Variants in RSRC1 observed in about 807,000 individuals in gnomAD.
RSRC1 encodes the protein arginine and serine rich coiled-coil 1, also known as serine/Arginine-related protein 53.
In RSRC1, 39 loss-of-function variants were observed where a neutral mutation model predicts 49.1. The ratio of observed to expected loss-of-function variants is 0.79; its 90% CI spans 0.61 to 1.04. RSRC1 has a LOEUF of 1.04. Ranked by LOEUF, RSRC1 falls within the 50% of genes least tolerant of loss-of-function variation. RSRC1 has a pLI of 0.00. For synonymous variants in RSRC1, 143 were observed against 130.8 expected (o/e 1.09, Z -0.63); for missense variants, 388 against 402.4 (o/e 0.96, Z 0.31).
chr3:158,340,857 G>A (rs1011575967), intron 5 of RSRC1, among the ~76,000 whole-genome samples: 24 of 152,206 alleles, frequency 1.6e-4, no homozygotes, highest in African/African-American at 5.8e-4. Context: ...CTTGTTGAAT[G>A]GCTTTGCCCA....
intron 5 of RSRC1, among the ~76,000 whole-genome samples, chr3:158,314,893 G>A (rs567814035): frequency 4.7e-4 from 72 of 152,236 alleles, no homozygotes; most frequent in African/African-American, 1.5e-3. Context: ...TCAGCCGAGC[G>A]TGGTGGCAAA....
intron 6 of RSRC1, among the ~76,000 whole-genome samples, chr3:158,428,028 A>T (rs1735559701): frequency 6.6e-6 from 1 of 151,854 alleles, no homozygotes; most frequent in African/African-American, 2.4e-5. Flanking sequence ...TCTGTCTATG[A>T]AACCACAGAT....
intron 4 of RSRC1, among the ~76,000 whole-genome samples, chr3:158,268,036 G>A (rs1490055944): frequency 6.6e-6 from 1 of 151,716 alleles, no homozygotes; most frequent in Non-Finnish European, 1.5e-5. Flanking sequence ...ACTTCCCATT[G>A]TTACATTTTT....
At chr3:158,188,634 G>A (rs1401478801) in intron 3 of RSRC1, among the ~76,000 whole-genome samples, 3 of 151,750 alleles carry the variant, frequency 2.0e-5, no homozygotes, top group African/African-American at 7.3e-5. Context: ...CTGCTTTTCT[G>A]GTTGTTTATG....
intron 7 of RSRC1, among the ~76,000 whole-genome samples, chr3:158,476,640 C>G (rs1040980908): frequency 6.6e-6 from 1 of 152,144 alleles, no homozygotes; most frequent in Non-Finnish European, 1.5e-5. Context: ...TTAAAGCCCA[C>G]TGTTGAGGCA....
At chr3:158,129,051 T>C (rs1249560362) in intron 3 of RSRC1, among the ~76,000 whole-genome samples, 2 of 152,196 alleles carry the variant, frequency 1.3e-5, no homozygotes, top group South Asian at 2.1e-4. Flanking sequence ...GTGAAGTTAC[T>C]ATCTTTCCTT....
At chr3:158,411,494 T>C (rs925664232) in intron 6 of RSRC1, among the ~76,000 whole-genome samples, 11 of 149,468 alleles carry the variant, frequency 7.4e-5, no homozygotes, top group African/African-American at 2.5e-4. Context: ...GCCAAACTTA[T>C]ATCATTCTAC....
intron 3 of RSRC1, among the ~76,000 whole-genome samples, chr3:158,185,483 A>G (rs1233282162): frequency 1.3e-5 from 2 of 151,910 alleles, no homozygotes. Context: ...TTACGCATTT[A>G]AAAACTAATA....
intron 6 of RSRC1, among the ~76,000 whole-genome samples, chr3:158,427,493 A>G (rs1279462812): frequency 1.3e-5 from 2 of 151,974 alleles, no homozygotes; most frequent in African/African-American, 4.8e-5. Context: ...TTATATAAGT[A>G]TAGCCAAAAA....
chr3:158,344,890 A>G (rs535380625), intron 5 of RSRC1, among the ~76,000 whole-genome samples: 3 of 152,274 alleles, frequency 2.0e-5, no homozygotes, highest in African/African-American at 4.8e-5. Flanking sequence ...GTTAAAGCCA[A>G]TAAGCCAACA....
chr3:158,299,648 T>A (rs1727426348), intron 5 of RSRC1, among the ~76,000 whole-genome samples: 1 of 152,170 alleles, frequency 6.6e-6, no homozygotes. Flanking sequence ...TCTTTTATAC[T>A]TTTGTTGTAA....
At chr3:158,211,726 A>G (rs1173741669) in intron 4 of RSRC1, among the ~76,000 whole-genome samples, 4 of 151,966 alleles carry the variant, frequency 2.6e-5, no homozygotes, top group African/African-American at 7.2e-5. Flanking sequence ...TTATTATTCC[A>G]TAAGATGGAG....
chr3:158,488,918 A>G (rs771518284), intron 7 of RSRC1, among the ~76,000 whole-genome samples: 2 of 152,236 alleles, frequency 1.3e-5, no homozygotes, highest in Non-Finnish European at 2.9e-5. Flanking sequence ...CTTGGTGATA[A>G]GGAAATATAT....
At chr3:158,428,101 C>G (rs1735564053) in intron 6 of RSRC1, among the ~76,000 whole-genome samples, 1 of 151,722 alleles carries the variant, frequency 6.6e-6, no homozygotes, top group Admixed American at 6.6e-5. Context: ...CTTCCACCCC[C>G]ACCTCCAACC....
At chr3:158,317,084 T>C (rs371852099) in intron 5 of RSRC1, among the ~76,000 whole-genome samples, 7 of 152,308 alleles carry the variant, frequency 4.6e-5, no homozygotes, top group African/African-American at 1.7e-4. Context: ...TGCTTATGAA[T>C]ACATTAAAAG....
At chr3:158,487,452 C>G (rs1738857763) in intron 7 of RSRC1, among the ~76,000 whole-genome samples, 1 of 152,146 alleles carries the variant, frequency 6.6e-6, no homozygotes, top group South Asian at 2.1e-4. Context: ...CTTAAAATCA[C>G]TGTTCGCCGG....
chr3:158,259,563 G>A lies in RSRC1; in HGVS notation c.495-38476G>A, dbSNP rs552881812. ...GCACTGGGTCTTGTGCATGGCCTGC[G>A]GTGATCACTGTCTGGCTACTGCGTA... On this transcript the variant is annotated intron_variant, in intron 4 of 9. Transcript: ENST00000611884. 2.5e-4 allele frequency among the ~76,000 whole-genome samples: 38 copies of A among 152,220 alleles called. 1 individual carries two copies. The East Asian group carries it at 2.5e-3, about 10-fold the overall frequency.
At chr3:158,254,183 G>C (rs1724397734) in intron 4 of RSRC1, among the ~76,000 whole-genome samples, 1 of 152,140 alleles carries the variant, frequency 6.6e-6, no homozygotes, top group Admixed American at 6.5e-5. Flanking sequence ...CATTTGGGTT[G>C]GTTCCACGTC....
At chr3:158,144,886 T>C (rs537725888) in intron 3 of RSRC1, among the ~76,000 whole-genome samples, 1 of 152,364 alleles carries the variant, frequency 6.6e-6, no homozygotes, top group South Asian at 2.1e-4. Context: ...TGATGGCCAG[T>C]GATGATGAGC....
Sources: allele counts gnomAD v4.1 joint callset (sites outside exome capture counted in the v4.1 genomes callset), GRCh38; gene constraint gnomAD v4.1.1; transcripts MANE v1.5; gene names NCBI Gene and HGNC (gene_info 2026-07-23, HGNC 2026-07-21).